MOB1B: variants seen among roughly 807,000 people sequenced by gnomAD.
MOB1B encodes MOB1 Mps One Binder homolog B.
A neutral mutation model predicts 24.4 loss-of-function variants in MOB1B; 19 were observed. That is an observed-to-expected ratio of 0.78 (90% CI 0.54 to 1.14). The LOEUF (loss-of-function observed/expected upper bound fraction) is 1.14. Among genes scored for constraint, MOB1B ranks in the 50% most tolerant of loss-of-function variants. The probability of loss-of-function intolerance (pLI) is 0.00; values close to 1 mark genes in which losing one functional copy is unlikely to be tolerated. For missense variants in MOB1B, 243 were observed against 259.6 expected, an observed-to-expected ratio of 0.94 and a Z score of 0.44; for synonymous variants, 76 against 82.1, an observed-to-expected ratio of 0.93 and a Z score of 0.40.
intron 1 of MOB1B, among the ~76,000 whole-genome samples, chr4:70,932,680 C>T (rs1340702523): frequency 6.6e-6 from 1 of 152,148 alleles, no homozygotes; most frequent in Admixed American, 6.5e-5. Context: ...TTTTCCACTG[C>T]CCCATGCTGC....
chr4:70,902,435 G>T lies in MOB1B; in HGVS notation c.-102G>T, dbSNP rs369300641. On this transcript the variant is annotated 5_prime_UTR_variant, in exon 1 of 6. Transcript: ENST00000309395. Reference sequence around the variant, plus strand: ...GCCGGCTCTCGGCACCTCCTCCTCCGCCTCCCTGTCTCCTGTTCCATTCGC... The same window carrying T: ...GCCGGCTCTCGGCACCTCCTCCTCCTCCTCCCTGTCTCCTGTTCCATTCGC... 7 of 1,308,568 alleles carry T rather than the reference G, an allele frequency of 5.3e-6. No individual in the cohort carries two copies. In the African/African-American group the frequency reaches 7.3e-5, roughly 14 times the overall value. The allele number at this position is 1,308,568 out of a possible 1,614,324, so 81.1% of individuals were successfully genotyped here. A position where few individuals can be genotyped will look rare whatever the true frequency, so the allele number is the denominator to read the frequency against.
intron 2 of MOB1B, among the ~76,000 whole-genome samples, chr4:70,968,748 T>C (rs1425461224): frequency 6.6e-6 from 1 of 152,172 alleles, no homozygotes; most frequent in Non-Finnish European, 1.5e-5. Flanking sequence ...CTGAATGGTG[T>C]GGCTTGGACT....
chr4:70,903,702 A>G (rs975824658), intron 1 of MOB1B, among the ~76,000 whole-genome samples: 16 of 152,146 alleles, frequency 1.1e-4, no homozygotes, highest in Non-Finnish European at 1.5e-4. Flanking sequence ...AATACTGAGA[A>G]TTTAATTCAC....
chr4:70,948,401 A>G (rs1055426355), intron 1 of MOB1B, among the ~76,000 whole-genome samples: 1 of 152,332 alleles, frequency 6.6e-6, no homozygotes, highest in East Asian at 1.9e-4. Context: ...ACAGTCAATT[A>G]TATTAAAAAG....
intron 2 of MOB1B, among the ~76,000 whole-genome samples, chr4:70,963,678 G>A (rs1738393139): frequency 6.6e-6 from 1 of 151,990 alleles, no homozygotes; most frequent in African/African-American, 2.4e-5. Flanking sequence ...AAGTTAGCCA[G>A]GCATGGTGAC....
intron 1 of MOB1B, among the ~76,000 whole-genome samples, chr4:70,912,456 T>A (rs1401591212): frequency 1.3e-5 from 2 of 151,942 alleles, no homozygotes; most frequent in Non-Finnish European, 1.5e-5. Flanking sequence ...ATTTTTATAT[T>A]CTTAGTAGAG....
chr4:70,917,002 A>C (rs907372724), intron 1 of MOB1B, among the ~76,000 whole-genome samples: 1 of 152,222 alleles, frequency 6.6e-6, no homozygotes, highest in Non-Finnish European at 1.5e-5. Context: ...CTGTTGTGTA[A>C]CAGTAGCTTT....
intron 1 of MOB1B, among the ~76,000 whole-genome samples, chr4:70,936,097 C>A (rs572097282): frequency 6.6e-6 from 1 of 151,936 alleles, no homozygotes; most frequent in African/African-American, 2.4e-5. Flanking sequence ...GTGATCCGCC[C>A]GCCTCGGCCT....
At chr4:70,937,167 C>T (rs1488704285) in intron 1 of MOB1B, among the ~76,000 whole-genome samples, 1 of 152,184 alleles carries the variant, frequency 6.6e-6, no homozygotes, top group Non-Finnish European at 1.5e-5. Flanking sequence ...ATCCTCCTGC[C>T]TCAACTTCCC....
At chr4:70,964,163 A>G (rs913918287) in intron 2 of MOB1B, among the ~76,000 whole-genome samples, 2 of 152,226 alleles carry the variant, frequency 1.3e-5, no homozygotes, top group Non-Finnish European at 1.5e-5. Flanking sequence ...AGACAAATCC[A>G]TGGTCATAAT....
chr4:70,976,316 CT>C lies in MOB1B; in HGVS notation c.409+1032del, dbSNP rs1280451007. 3.0e-6 allele frequency: 3 copies of C among 984,726 alleles called. 1 individual carries two copies. The highest frequency in any genetic ancestry group is 9.4e-5 in the South Asian group (2 of 21,272). The allele number at this position is 984,726 out of a possible 1,614,324, so 61.0% of individuals were successfully genotyped here. ...TACTTATTTAGGGAAGTTCATATGG[CT>C]TCTATCCAGTGTTATTTAGTAATAT... is the stretch of plus-strand genomic sequence containing the variant. On this transcript the variant is annotated intron_variant, in intron 4 of 5. Coordinates refer to ENST00000309395, the MANE Select transcript of MOB1B (RefSeq NM_173468.4).
At chr4:70,912,490 G>C (rs1394471408) in intron 1 of MOB1B, among the ~76,000 whole-genome samples, 2 of 151,902 alleles carry the variant, frequency 1.3e-5, no homozygotes, top group African/African-American at 2.4e-5. Flanking sequence ...ATGTTGACCA[G>C]GCTGGTCTCA....
At chr4:70,969,401 G>T (rs1237450139) in intron 2 of MOB1B, among the ~76,000 whole-genome samples, 1 of 152,208 alleles carries the variant, frequency 6.6e-6, no homozygotes, top group Admixed American at 6.5e-5. Flanking sequence ...AATGTGTTGG[G>T]ATTACAGGTG....
At chr4:70,914,937 G>A (rs1304702640) in intron 1 of MOB1B, among the ~76,000 whole-genome samples, 1 of 152,166 alleles carries the variant, frequency 6.6e-6, no homozygotes, top group Non-Finnish European at 1.5e-5. Flanking sequence ...TGGTACATGT[G>A]TGACAGTAAT....
chr4:70,933,844 C>G (rs1186492989), intron 1 of MOB1B, among the ~76,000 whole-genome samples: 1 of 152,012 alleles, frequency 6.6e-6, no homozygotes, highest in Admixed American at 6.6e-5. Flanking sequence ...GCCACTGTGC[C>G]TGGCCAATTA....
intron 1 of MOB1B, among the ~76,000 whole-genome samples, chr4:70,907,717 G>A (rs958412803): frequency 4.6e-5 from 7 of 152,124 alleles, no homozygotes; most frequent in Admixed American, 3.3e-4. Context: ...GGAGGCTGAA[G>A]TGGGTGGATT....
chr4:70,950,427 CAAAAAAAAAA>C (rs34937726), intron 1 of MOB1B, among the ~76,000 whole-genome samples: 5 of 70,404 alleles, frequency 7.1e-5, no homozygotes, highest in South Asian at 5.2e-4. Context: ...GTCTCTGTAT[CAAAAAAAAAA>C]AAAAAAAAAA....
At chr4:70,962,868 GT>G (rs1738360854) in intron 2 of MOB1B, among the ~76,000 whole-genome samples, 1 of 152,050 alleles carries the variant, frequency 6.6e-6, no homozygotes. Context: ...GCCAGGCATG[GT>G]GGTGTATCCC....
chr4:70,963,828 A>T (rs761342684), intron 2 of MOB1B, among the ~76,000 whole-genome samples: 1 of 148,900 alleles, frequency 6.7e-6, no homozygotes, highest in Admixed American at 6.6e-5. Context: ...ACAAAAGAAG[A>T]AAAAAACAAA....
Sources: gnomAD v4.1 joint callset for allele counts (sites outside exome capture counted in the v4.1 genomes callset) on GRCh38, gnomAD v4.1.1 for gene constraint, MANE v1.5 for transcripts, NCBI Gene and HGNC (gene_info 2026-07-23, HGNC 2026-07-21) for gene names.